The following RBFOX1 variants were observed in gnomAD, a reference collection of about 807,000 sequenced individuals.
The protein encoded by RBFOX1 is RNA binding fox-1 homolog 1, also known as RNA binding protein fox-1 homolog 1.
In RBFOX1, 8 loss-of-function variants were observed where a neutral mutation model predicts 57.7. The ratio of observed to expected loss-of-function variants is 0.14; its 90% confidence interval spans 0.08 to 0.25. The LOEUF is 0.25. Ranked by LOEUF, RBFOX1 falls within the 10% of genes least tolerant of loss-of-function variation. The pLI, the probability that RBFOX1 is intolerant of heterozygous loss-of-function variation, is 1.00. For synonymous variants in RBFOX1, 326 were observed against 222.4 expected (o/e 1.47, Z -4.15); for missense variants, 611 against 548.5 (o/e 1.11, Z -1.14).
chr16:6,852,932 G>C (rs1380331837), intron 3 of RBFOX1, among the ~76,000 whole-genome samples: 1 of 152,216 alleles, frequency 6.6e-6, no homozygotes, highest in East Asian at 1.9e-4. Context: ...GTCCATGCAA[G>C]GAGGATGCTG....
rs564782384 is a variant in RBFOX1, at chr16:5,248,822, C to G, written c.219+8717C>G. ...TGGCCAACATGTTGAAAGCCTGTCT[C>G]TAATAAAAATACAATAATTAGCTGG... is the stretch of plus-strand genomic sequence containing the variant. On this transcript the variant is annotated intron_variant, in intron 1 of 2. Transcript: ENST00000585867. Among the ~76,000 whole-genome samples, 8 of 152,064 alleles carry G rather than the reference C, an allele frequency of 5.3e-5. No individual in the cohort carries two copies. In the South Asian group the frequency reaches 1.7e-3, roughly 32 times the overall value.
In RBFOX1 at chr16:7,482,088, G is replaced by T. The variant is rs570792580; in HGVS notation, c.28-36059G>T. 3.3e-5 allele frequency among the ~76,000 whole-genome samples: 5 copies of T among 152,326 alleles called. No homozygotes were observed. In the East Asian group the frequency reaches 9.6e-4, roughly 29 times the overall value. ...CGTGCAGCGTCCACACCTAGCAAGG[G>T]CTAGTGATGGTTATCATAGCAACAA... On this transcript the variant is annotated intron_variant, in intron 4 of 15. Transcript: ENST00000550418.
intron 2 of RBFOX1, among the ~76,000 whole-genome samples, chr16:6,392,283 T>G (rs185344146): frequency 6.6e-6 from 1 of 152,330 alleles, no homozygotes; most frequent in East Asian, 1.9e-4. Flanking sequence ...TATTTTGTCT[T>G]CATTGAATTT....
intron 1 of RBFOX1, among the ~76,000 whole-genome samples, chr16:6,307,313 G>T (rs1442687604): frequency 6.6e-6 from 1 of 152,080 alleles, no homozygotes; most frequent in Non-Finnish European, 1.5e-5. Flanking sequence ...AACCCGGGAG[G>T]CGGAGCTTGC....
intron 1 of RBFOX1, among the ~76,000 whole-genome samples, chr16:6,256,769 C>G (rs1335986390): frequency 6.6e-6 from 1 of 151,998 alleles, no homozygotes; most frequent in African/African-American, 2.4e-5. Flanking sequence ...AAAAATGTCC[C>G]CAGACATTGA....
chr16:6,901,440 C>G (rs2068466468), intron 3 of RBFOX1, among the ~76,000 whole-genome samples: 1 of 152,102 alleles, frequency 6.6e-6, no homozygotes, highest in African/African-American at 2.4e-5. Flanking sequence ...TCCAAGAGGT[C>G]AAAGGGTGCC....
At chr16:7,549,795 C>G (rs1601583472) in intron 5 of RBFOX1, among the ~76,000 whole-genome samples, 1 of 152,160 alleles carries the variant, frequency 6.6e-6, no homozygotes, top group African/African-American at 2.4e-5. Context: ...CGTGGGTCTG[C>G]CTTTCCCAGT....
chr16:7,499,155 G>A (rs2069746120), intron 4 of RBFOX1, among the ~76,000 whole-genome samples: 1 of 152,092 alleles, frequency 6.6e-6, no homozygotes, highest in African/African-American at 2.4e-5. Context: ...CTGAGACAAA[G>A]GTGTGGATAG....
chr16:5,655,905 T>G (rs1001267119), intron 3 of RBFOX1, among the ~76,000 whole-genome samples: 2 of 152,180 alleles, frequency 1.3e-5, no homozygotes, highest in South Asian at 4.1e-4. Flanking sequence ...AATTGTAGAT[T>G]AGGTAGATCT....
At chr16:7,693,297 T>G in intron 14 of RBFOX1, 1 of 1,612,520 alleles carries the variant, frequency 6.2e-7, no homozygotes, top group Non-Finnish European at 8.5e-7. Context: ...GTATTGTGAA[T>G]TTTATCTTCT....
chr16:7,354,423 T>G (rs1028921062), intron 4 of RBFOX1, among the ~76,000 whole-genome samples: 15 of 152,112 alleles, frequency 9.9e-5, no homozygotes, highest in African/African-American at 3.6e-4. Flanking sequence ...CCTCAGGAAA[T>G]AAAACAGAGG....
At chr16:6,712,515 A>G (rs903350905) in intron 3 of RBFOX1, among the ~76,000 whole-genome samples, 5 of 152,156 alleles carry the variant, frequency 3.3e-5, no homozygotes, top group African/African-American at 1.2e-4. Context: ...GGATGGTATT[A>G]TCATCTTTCC....
intron 2 of RBFOX1, among the ~76,000 whole-genome samples, chr16:5,530,808 C>G (rs1050410879): frequency 2.0e-5 from 3 of 151,954 alleles, no homozygotes; most frequent in African/African-American, 4.8e-5. Context: ...ACAGTCCAGC[C>G]CAGGCGTGGT....
chr16:6,101,266 G>T (rs1351662174), intron 1 of RBFOX1, among the ~76,000 whole-genome samples: 4 of 152,146 alleles, frequency 2.6e-5, no homozygotes, highest in Admixed American at 2.0e-4. Context: ...TTCAGTGGGT[G>T]TAGGCCTCTG....
chr16:7,248,798 C>T (rs775228568), intron 4 of RBFOX1, among the ~76,000 whole-genome samples: 2 of 152,102 alleles, frequency 1.3e-5, no homozygotes, highest in African/African-American at 2.4e-5. Context: ...AGGGAAAATG[C>T]TATTTATAAC....
intron 3 of RBFOX1, among the ~76,000 whole-genome samples, chr16:7,022,394 C>T (rs553491191): frequency 1.5e-4 from 23 of 151,966 alleles, no homozygotes; most frequent in Admixed American, 2.6e-4. Context: ...AGCTGGGATT[C>T]GAAGTCAGGT....
chr16:5,735,734 G>T (rs1002530094), intron 3 of RBFOX1, among the ~76,000 whole-genome samples: 2 of 152,076 alleles, frequency 1.3e-5, no homozygotes, highest in Non-Finnish European at 2.9e-5. Context: ...CTGTTTAGCC[G>T]GGCGTGGTGG....
chr16:6,953,801 T>G (rs977555972), intron 3 of RBFOX1, among the ~76,000 whole-genome samples: 1 of 152,312 alleles, frequency 6.6e-6, no homozygotes, highest in African/African-American at 2.4e-5. Context: ...TTCAAACTGG[T>G]TTGCAACTGA....
At chr16:5,996,445 G>C (rs1413148197) in intron 4 of RBFOX1, among the ~76,000 whole-genome samples, 2 of 96,154 alleles carry the variant, frequency 2.1e-5, no homozygotes, top group Non-Finnish European at 4.1e-5. Context: ...ACGGAGGTGT[G>C]AGGGTGATTT....
Sources: gnomAD v4.1 joint callset for allele counts (sites outside exome capture counted in the v4.1 genomes callset) on GRCh38, gnomAD v4.1.1 for gene constraint, MANE v1.5 for transcripts, NCBI Gene and HGNC (gene_info 2026-07-23, HGNC 2026-07-21) for gene names.